The following HACL2 variants were observed in gnomAD, a reference collection of about 807,000 sequenced individuals.
HACL2 encodes the protein 2-hydroxyacyl-CoA lyase 1 like.
At chr19:15,121,483 A>G in the HACL2 span, among the ~76,000 whole-genome samples, 40 of 152,216 alleles carry the variant, frequency 2.6e-4, no homozygotes, top group South Asian at 7.3e-3. Context: ...AAGGAGGAAG[A>G]AGAGGAAGAG....
At chr19:15,119,600 G>C in the HACL2 span, 11 of 1,161,124 alleles carry the variant, frequency 9.5e-6, no homozygotes, top group Non-Finnish European at 1.4e-5. Context: ...GCCCAGGATA[G>C]AGTGTAATGG....
chr19:15,115,478 C>G, the HACL2 span: 11 of 1,603,068 alleles, frequency 6.9e-6, no homozygotes, highest in East Asian at 2.5e-4. Flanking sequence ...CAGCCCACCG[C>G]ACATGCAGCC....
chr19:15,117,720 A>G, the HACL2 span: 1 of 656,492 alleles, frequency 1.5e-6, no homozygotes, highest in East Asian at 2.7e-5. Context: ...AGAAGCATTC[A>G]TCAGTTTGAG....
the HACL2 span, among the ~76,000 whole-genome samples, chr19:15,120,552 A>C: frequency 6.6e-6 from 1 of 152,218 alleles, no homozygotes; most frequent in African/African-American, 2.4e-5. Flanking sequence ...TGCTTCAAAC[A>C]GGGTCTTCTC....
the HACL2 span, chr19:15,119,409 G>C: frequency 6.2e-7 from 1 of 1,613,948 alleles, no homozygotes; most frequent in Non-Finnish European, 8.5e-7. Flanking sequence ...CAGGGCTGGC[G>C]CTTCTCACCG....
the HACL2 span, chr19:15,123,722 T>G: frequency 3.1e-6 from 2 of 645,478 alleles, no homozygotes; most frequent in Non-Finnish European, 5.3e-6. This position sits in a 1 kb window ranked among gnomAD's most constrained non-coding sequence, Gnocchi z 5.1. Flanking sequence ...GCATATATTA[T>G]ACTACATGCC....
At chr19:15,119,179 G>A in the HACL2 span, 1 of 1,572,088 alleles carries the variant, frequency 6.4e-7, no homozygotes, top group African/African-American at 1.4e-5. Flanking sequence ...CTAGGACAAT[G>A]ACATCCGCCT....
At chr19:15,124,725 C>T in the HACL2 span, 1 of 686,818 alleles carries the variant, frequency 1.5e-6, no homozygotes, top group Admixed American at 3.4e-5. Context: ...TCCGTGTTCT[C>T]TCTTACCAGT....
At chr19:15,119,735 G>C in the HACL2 span, among the ~76,000 whole-genome samples, 1 of 152,058 alleles carries the variant, frequency 6.6e-6, no homozygotes, top group Non-Finnish European at 1.5e-5. Flanking sequence ...ATTTTCAGTA[G>C]AGACAGGGTT....
chr19:15,117,715 C>G, the HACL2 span: 1 of 626,456 alleles, frequency 1.6e-6, no homozygotes, highest in South Asian at 2.4e-5. Flanking sequence ...AAGAAAGAAG[C>G]ATTCATCAGT....
the HACL2 span, chr19:15,119,938 A>AG: frequency 7.6e-7 from 1 of 1,308,842 alleles, no homozygotes; most frequent in Admixed American, 2.4e-5. Context: ...CTCTCCCCTC[A>AG]GGGAGAGGGT....
chr19:15,115,401 C>G, the HACL2 span: 1 of 1,613,718 alleles, frequency 6.2e-7, no homozygotes, highest in Non-Finnish European at 8.5e-7. Flanking sequence ...AAGCCCCGGG[C>G]CCCCAGACCC....
At chr19:15,119,379 T>C in the HACL2 span, 1 of 1,612,658 alleles carries the variant, frequency 6.2e-7, no homozygotes, top group Non-Finnish European at 8.5e-7. Flanking sequence ...GACTGGGGAC[T>C]GGGAACGTGA....
At chr19:15,117,215 G>A in the HACL2 span, 4 of 153,550 alleles carry the variant, frequency 2.6e-5, no homozygotes, top group African/African-American at 9.7e-5. Context: ...TCAAGTCCAA[G>A]GGGACTAAAA....
At chr19:15,125,007 A>G in the HACL2 span, 1 of 1,590,710 alleles carries the variant, frequency 6.3e-7, no homozygotes, top group Non-Finnish European at 8.6e-7. Context: ...GGCCAGGAGC[A>G]GGAAGGAGGG....
the HACL2 span, chr19:15,115,253 T>C: frequency 1.2e-6 from 2 of 1,613,946 alleles, no homozygotes; most frequent in South Asian, 1.1e-5. Flanking sequence ...CACAAGGCCC[T>C]ATACAGCAAT....
chr19:15,116,194 G>A, the HACL2 span: 10 of 1,613,760 alleles, frequency 6.2e-6, 1 homozygote, highest in Admixed American at 1.3e-4. Flanking sequence ...TGTACCAGAT[G>A]GGCAGCAGTG....
At chr19:15,118,063 A>G in the HACL2 span, 1 of 1,610,534 alleles carries the variant, frequency 6.2e-7, no homozygotes, top group Non-Finnish European at 8.5e-7. Context: ...CATGTCGTCT[A>G]CCTTACTTGA....
At chr19:15,124,976 G>T in the HACL2 span, 6 of 1,607,120 alleles carry the variant, frequency 3.7e-6, no homozygotes, top group Non-Finnish European at 5.1e-6. Flanking sequence ...CGCCCAGCAA[G>T]GCGGCCACCA....
Sources: allele counts gnomAD v4.1 joint callset (sites outside exome capture counted in the v4.1 genomes callset), GRCh38; gene constraint gnomAD v4.1.1; non-coding constraint Gnocchi (gnomAD v3.1); transcripts MANE v1.5; gene names NCBI Gene and HGNC (gene_info 2026-07-23, HGNC 2026-07-21).